CDK6: variants seen among roughly 807,000 people sequenced by gnomAD.
CDK6 encodes the protein cyclin dependent kinase 6, also known as cyclin-dependent kinase 6.
In CDK6, 6 loss-of-function variants were observed where a neutral mutation model predicts 37.1. The observed-to-expected ratio is 0.16, with a 90% CI of 0.09 to 0.32. CDK6 has a LOEUF of 0.32. Among genes scored for constraint, CDK6 ranks in the 10% least tolerant of loss-of-function variants. The pLI, the probability that CDK6 is intolerant of heterozygous loss-of-function variation, is 1.00. For missense variants in CDK6, 224 were observed against 418.9 expected (o/e 0.53, Z 4.06); for synonymous variants, 160 against 161.3 (o/e 0.99, Z 0.06).
intron 3 of CDK6, among the ~76,000 whole-genome samples, chr7:92,755,878 G>A (rs933771804): frequency 2.0e-5 from 3 of 152,062 alleles, no homozygotes; most frequent in South Asian, 4.1e-4. Context: ...AGAGCTGCCC[G>A]GTTTAAAAAT....
intron 2 of CDK6, among the ~76,000 whole-genome samples, chr7:92,825,460 GCACA>G (rs147959837): frequency 1.5e-4 from 22 of 148,554 alleles, no homozygotes; most frequent in East Asian, 5.9e-4. Context: ...GCACATGCGT[GCACA>G]CACACACACA....
At chr7:92,618,504 C>T (rs1179167090) in intron 6 of CDK6, among the ~76,000 whole-genome samples, 2 of 152,110 alleles carry the variant, frequency 1.3e-5, no homozygotes, top group East Asian at 3.9e-4. Context: ...AATATATTAC[C>T]AGGCAGTAAG....
intron 4 of CDK6, among the ~76,000 whole-genome samples, chr7:92,713,614 A>G (rs1279282750): frequency 6.6e-6 from 1 of 151,480 alleles, no homozygotes; most frequent in Non-Finnish European, 1.5e-5. Context: ...CTGAAGAAAT[A>G]TAACTTTAAA....
At chr7:92,667,216 A>G (rs57123083) in intron 5 of CDK6, among the ~76,000 whole-genome samples, 1 of 151,948 alleles carries the variant, frequency 6.6e-6, no homozygotes, top group Non-Finnish European at 1.5e-5. Context: ...TTATTTATTT[A>G]TTTTTTTTAG....
chr7:92,771,816 T>C (rs1468685317), intron 3 of CDK6, among the ~76,000 whole-genome samples: 1 of 152,208 alleles, frequency 6.6e-6, no homozygotes, highest in East Asian at 1.9e-4. Flanking sequence ...AATAGGTTGT[T>C]CAGAATAACA....
rs1391355315 is a variant in CDK6 at position 92,609,051 on chromosome 7, G to A, written c.*6089C>T. 1.3e-5 allele frequency: 3 copies of A among 233,264 alleles called. No homozygotes were observed. The highest frequency in any genetic ancestry group is 6.6e-5 in the African/African-American group (3 of 45,452). 14.4% of individuals were successfully genotyped at this position (233,264 alleles called of 1,614,324 possible). On this transcript the variant is annotated 3_prime_UTR_variant, in exon 8 of 8. Transcript: ENST00000424848. ...CTGGGAGCAGAGGGGCGAATGAGGCGGGGGATTTCTCAGCCAGTTTCTGAC... is the reference window on the plus strand; with the variant it reads ...CTGGGAGCAGAGGGGCGAATGAGGCAGGGGATTTCTCAGCCAGTTTCTGAC...
At chr7:92,659,863 G>A (rs1796797887) in intron 5 of CDK6, among the ~76,000 whole-genome samples, 1 of 152,112 alleles carries the variant, frequency 6.6e-6, no homozygotes, top group Non-Finnish European at 1.5e-5. Context: ...ATCCATTCCA[G>A]TGTTTTAGGG....
intron 2 of CDK6, among the ~76,000 whole-genome samples, chr7:92,786,550 A>T (rs952389904): frequency 2.0e-5 from 3 of 151,888 alleles, no homozygotes; most frequent in Non-Finnish European, 4.4e-5. Context: ...TGTTTATGAA[A>T]ATGAGCCCAC....
intron 4 of CDK6, among the ~76,000 whole-genome samples, chr7:92,684,930 C>T (rs1292226372): frequency 2.0e-5 from 3 of 151,882 alleles, no homozygotes; most frequent in Non-Finnish European, 4.4e-5. Context: ...GACTCGACGA[C>T]ATTATCTAGA....
At chr7:92,641,633 C>G (rs1796307830) in intron 5 of CDK6, among the ~76,000 whole-genome samples, 1 of 152,106 alleles carries the variant, frequency 6.6e-6, no homozygotes, top group Non-Finnish European at 1.5e-5. Context: ...AAAAAATAAT[C>G]TTACATAAGA....
chr7:92,805,730 C>A lies in CDK6; in HGVS notation c.233+27361G>T, dbSNP rs576673872. 1.1e-3 allele frequency among the ~76,000 whole-genome samples: 169 copies of A among 152,244 alleles called. 1 individual carries two copies. The highest frequency in any genetic ancestry group is 9.7e-4 in the Non-Finnish European group (66 of 68,014). Reference sequence around the variant, plus strand: ...CTCCTGGTATCCAGAACCCCTGTTCCAGGAGACCAGAAGTGTAATGATTCT... The same window carrying A: ...CTCCTGGTATCCAGAACCCCTGTTCAAGGAGACCAGAAGTGTAATGATTCT... On this transcript the variant is annotated intron_variant, in intron 2 of 7. Coordinates refer to ENST00000424848, the MANE Select transcript of CDK6 (RefSeq NM_001145306.2).
chr7:92,620,394 T>G (rs536958057), intron 6 of CDK6, among the ~76,000 whole-genome samples: 1 of 152,314 alleles, frequency 6.6e-6, no homozygotes, highest in African/African-American at 2.4e-5. Flanking sequence ...AAATTGAGAA[T>G]GAGGAATAAA....
At chr7:92,826,290 C>T (rs2116002336) in intron 2 of CDK6, among the ~76,000 whole-genome samples, 1 of 152,120 alleles carries the variant, frequency 6.6e-6, no homozygotes, top group South Asian at 2.1e-4. Context: ...TTCCATCTTA[C>T]ATAACAGAAA....
chr7:92,813,728 T>G (rs1348241154), intron 2 of CDK6, among the ~76,000 whole-genome samples: 2 of 152,164 alleles, frequency 1.3e-5, no homozygotes, highest in African/African-American at 4.8e-5. Context: ...GTATTGAAAC[T>G]TCCAGTACAT....
chr7:92,772,201 A>G (rs932601417), intron 3 of CDK6, among the ~76,000 whole-genome samples: 1 of 152,172 alleles, frequency 6.6e-6, no homozygotes, highest in African/African-American at 2.4e-5. Context: ...TATAGTTCAG[A>G]ATTTTTTTTT....
intron 5 of CDK6, among the ~76,000 whole-genome samples, chr7:92,644,982 T>A (rs1269969301): frequency 6.6e-6 from 1 of 152,240 alleles, no homozygotes; most frequent in Admixed American, 6.5e-5. Flanking sequence ...CTGTTACAGC[T>A]TGGCCACCTG....
intron 2 of CDK6, among the ~76,000 whole-genome samples, chr7:92,832,096 C>T (rs908029017): frequency 3.9e-5 from 6 of 152,170 alleles, no homozygotes; most frequent in Admixed American, 2.6e-4. Context: ...AAAATCACAA[C>T]CCAATTTGCA....
intron 7 of CDK6, among the ~76,000 whole-genome samples, chr7:92,616,339 T>C (rs1226530309): frequency 6.6e-6 from 1 of 152,202 alleles, no homozygotes. Context: ...TATCGAAGGC[T>C]ACTGACCTAG....
Position 92,785,775 on chromosome 7 carries a change from G to A in CDK6, c.234-10944C>T, listed in dbSNP as rs561558476. On this transcript the variant is annotated intron_variant, in intron 2 of 7. Coordinates refer to ENST00000424848, the MANE Select transcript of CDK6 (RefSeq NM_001145306.2). ...GTGATGGGGAGACTTTGTGACAAATGAGATACCCTGCTGACAGGCATTGTG... is the reference window on the plus strand; with the variant it reads ...GTGATGGGGAGACTTTGTGACAAATAAGATACCCTGCTGACAGGCATTGTG... Among the ~76,000 whole-genome samples the A allele has an allele frequency of 2.2e-4, 34 of 152,308 alleles. No homozygotes were observed. The South Asian group carries it at 6.4e-3, about 29-fold the overall frequency.
Sources: allele counts gnomAD v4.1 joint callset (sites outside exome capture counted in the v4.1 genomes callset), GRCh38; gene constraint gnomAD v4.1.1; transcripts MANE v1.5; gene names NCBI Gene and HGNC (gene_info 2026-07-23, HGNC 2026-07-21).